The following MARS1 variants were observed in gnomAD, a reference collection of about 807,000 sequenced individuals.
The protein encoded by MARS1 is methionine--tRNA ligase, cytoplasmic.
MARS1 carries 80 observed loss-of-function variants against 119.5 expected under a neutral mutation model. The observed-to-expected ratio is 0.67, with a 90% CI of 0.56 to 0.81. The LOEUF is 0.81. Ranked by LOEUF, MARS1 falls within the 30% of genes least tolerant of loss-of-function variation. The pLI is 0.00. For missense variants in MARS1, 945 were observed against 1,116.5 expected, an observed-to-expected ratio of 0.85 and a Z score of 2.19; for synonymous variants, 418 against 433.4, an observed-to-expected ratio of 0.96 and a Z score of 0.44.
At chr12:57,491,843 A>C (rs1026751857) in intron 7 of MARS1, among the ~76,000 whole-genome samples, 2 of 152,116 alleles carry the variant, frequency 1.3e-5, no homozygotes, top group Non-Finnish European at 2.9e-5. Context: ...TTGAGTGTTT[A>C]CTCCTTTCCA....
rs751080704 is a variant in MARS1 at position 57,489,269 on chromosome 12, A to AT, written c.212dup (p.Leu71PhefsTer9). Reference sequence around the variant, plus strand: ...TCTGTTGCTCTCTCTCTGGGCAGATATTTTTTTTTGTTATCTGGCTGGGAG... The same window carrying AT: ...TCTGTTGCTCTCTCTCTGGGCAGATATTTTTTTTTTGTTATCTGGCTGGGAG... On this transcript the variant is annotated frameshift_variant, in exon 3 of 21. Transcript: ENST00000262027. LOFTEE classifies it high-confidence loss of function. 1.7e-5 allele frequency: 27 copies of AT among 1,596,298 alleles called. No individual in the cohort carries two copies. The highest frequency in any genetic ancestry group is 1.3e-4 in the East Asian group (6 of 44,604).
rs912847491 is a variant in MARS1 at position 57,489,447 on chromosome 12, C to G, written c.303C>G (p.Tyr101Ter). The part of the protein sequence containing the change: ...ELQPALSAAL[Y>*]YLVVQGKKGE... The stretch of plus-strand genomic sequence containing the variant: ...AGCCAGCTTTGTCTGCTGCCCTGTA[C>G]TATTTAGTGGTCCAAGGCAAGAAGG... The change falls in exon 4 of 21, where the codon TAC (tyrosine) becomes TAG (stop). Residue 101 changes from tyrosine (Y) to a stop codon, truncating the protein, a stop_gained. Transcript: ENST00000262027. LOFTEE classifies it high-confidence loss of function. 9 of 1,614,008 alleles carry G rather than the reference C, an allele frequency of 5.6e-6. No homozygotes were observed. Among genetic ancestry groups the G allele is most frequent in the Non-Finnish European group, 7.6e-6 (9 of 1,180,036 alleles).
At chr12:57,489,797 G>A (rs1318596495) in intron 4 of MARS1, 99 bp from the exon 5 acceptor site, 2 of 1,178,058 alleles carry the variant, frequency 1.7e-6, no homozygotes. Flanking sequence ...TTAATACAGT[G>A]CTTGACATAT....
intron 10 of MARS1, among the ~76,000 whole-genome samples, chr12:57,501,272 A>G (rs1876903373): frequency 6.6e-6 from 1 of 152,254 alleles, no homozygotes. Flanking sequence ...ATGAGGTGAG[A>G]GAGATGGCAG....
intron 10 of MARS1, chr12:57,503,963 A>G (rs1877058180): frequency 4.0e-6 from 2 of 494,386 alleles, no homozygotes; most frequent in African/African-American, 1.9e-5. Flanking sequence ...AGTGCTCTGT[A>G]CCTAGCCTAT....
chr12:57,500,877 T>A (rs1009975305), intron 10 of MARS1, among the ~76,000 whole-genome samples: 1 of 152,254 alleles, frequency 6.6e-6, no homozygotes, highest in African/African-American at 2.4e-5. Flanking sequence ...AACATACATT[T>A]TTTGAATCCT....
intron 11 of MARS1, among the ~76,000 whole-genome samples, chr12:57,505,697 A>G (rs1877150887): frequency 6.6e-6 from 1 of 152,120 alleles, no homozygotes; most frequent in African/African-American, 2.4e-5. Flanking sequence ...CTGTAGTCTC[A>G]GCTATGCAAG....
chr12:57,508,069 C>T (rs974628228), intron 11 of MARS1, among the ~76,000 whole-genome samples: 30 of 152,056 alleles, frequency 2.0e-4, no homozygotes, highest in African/African-American at 7.0e-4. Flanking sequence ...GATGGGCAGC[C>T]GGGCAGAGAC....
In MARS1 at chr12:57,516,233, G is replaced by A. The variant is rs1321321339; in HGVS notation, c.2464-12G>A. The stretch of plus-strand genomic sequence containing the variant: ...ATTTATGGTTGCTGGTGATAACTTT[G>A]TTGTTCTCCAGGCAAAAACGTCCCC... On this transcript the variant is annotated splice_polypyrimidine_tract_variant and intron_variant, in intron 19 of 20. Transcript: ENST00000262027. 1 of 1,612,760 alleles carries A rather than the reference G, an allele frequency of 6.2e-7. No homozygotes were observed. The highest frequency in any genetic ancestry group is 1.3e-5 in the African/African-American group (1 of 74,896).
rs778165066 is a variant in MARS1 at position 57,516,528 on chromosome 12, G to A, written c.2650G>A (p.Ala884Thr). The A allele has an allele frequency of 7.4e-6, 12 of 1,611,872 alleles. No individual in the cohort carries two copies. The highest frequency in any genetic ancestry group is 1.7e-5 in the Admixed American group (1 of 59,392). ...ACTCTTGGATCTAAAGAAACAGTTG[G>A]CTGTAGCTGAGGGGAAACCCCCTGA... The part of the protein sequence containing the change: ...AKLLDLKKQL[A>T]VAEGKPPEAP... Residue 884 changes from alanine to threonine, a missense_variant, in exon 21 of 21, where the codon GCT becomes ACT. By Grantham distance (58) the Ala-to-Thr change is moderately conservative. Coordinates refer to ENST00000262027, the MANE Select transcript of MARS1 (RefSeq NM_004990.4).
chr12:57,512,617 C>T, intron 14 of MARS1, 134 bp from the exon 15 acceptor site: 1 of 753,518 alleles, frequency 1.3e-6, no homozygotes, highest in Non-Finnish European at 2.2e-6. Context: ...CTGAGCATAC[C>T]AGCCCCTTAA....
At chr12:57,512,636 G>A in intron 14 of MARS1, 115 bp from the exon 15 acceptor site, 1 of 858,966 alleles carries the variant, frequency 1.2e-6, no homozygotes, top group Non-Finnish European at 1.9e-6. Flanking sequence ...AAGGAGAAAT[G>A]TTGCTAGACA....
At chr12:57,496,227 A>T (rs973060092) in intron 7 of MARS1, among the ~76,000 whole-genome samples, 1 of 146,430 alleles carries the variant, frequency 6.8e-6, no homozygotes, top group Non-Finnish European at 1.5e-5. Context: ...TGAGTGGCGC[A>T]ATCTAGGCTC....
At chr12:57,503,954 G>C in intron 10 of MARS1, 1 of 453,076 alleles carries the variant, frequency 2.2e-6, no homozygotes, top group Non-Finnish European at 4.0e-6. Context: ...GTACAGTGCA[G>C]TGCTCTGTAC....
intron 10 of MARS1, 102 bp downstream of exon 10, chr12:57,500,624 C>G: frequency 8.8e-7 from 1 of 1,133,474 alleles, no homozygotes; most frequent in South Asian, 1.5e-5. Flanking sequence ...CATTCTAGAC[C>G]TTTAACCAGT....
rs1877521341 is a variant in MARS1, at chr12:57,511,656, A to G, written c.1369-42A>G. On this transcript the variant is annotated intron_variant, in intron 11 of 20. Transcript: ENST00000262027. ...GTGTTTATCCTTATGCTAACCATAT[A>G]TGAGACTTTCCTAAATCAGCCCTCT... The G allele has an allele frequency of 5.0e-6, 8 of 1,610,118 alleles. No individual in the cohort carries two copies. The East Asian group carries it at 1.8e-4, about 36-fold the overall frequency.
In MARS1 at chr12:57,493,923, A is replaced by T. The variant is rs373827186; in HGVS notation, c.770+3279A>T. Among the ~76,000 whole-genome samples, 227 of 63,048 alleles carry T rather than the reference A, an allele frequency of 3.6e-3. 19 individuals are homozygous for T. The highest frequency in any genetic ancestry group is 0.013 in the African/African-American group (170 of 13,496). The allele number at this position is 63,048 out of a possible 152,430, so 41.4% of individuals were successfully genotyped here. ...GTTATATAATATATATAATATATAT[A>T]ATATATATTATATATTATATATATA... On this transcript the variant is annotated intron_variant, in intron 7 of 20. Transcript: ENST00000262027.
chr12:57,509,602 G>T (rs1185273240), intron 11 of MARS1, among the ~76,000 whole-genome samples: 1 of 152,054 alleles, frequency 6.6e-6, no homozygotes, highest in Admixed American at 6.6e-5. Flanking sequence ...TAGAGACAGG[G>T]TTTCACCATG....
intron 11 of MARS1, among the ~76,000 whole-genome samples, chr12:57,505,505 G>C (rs549230557): frequency 3.3e-5 from 5 of 151,902 alleles, no homozygotes; most frequent in African/African-American, 1.2e-4. Flanking sequence ...TGTACCCTGG[G>C]CTTGGAGAAA....
Sources: allele counts gnomAD v4.1 joint callset (sites outside exome capture counted in the v4.1 genomes callset), GRCh38; gene constraint gnomAD v4.1.1; transcripts MANE v1.5; gene names NCBI Gene and HGNC (gene_info 2026-07-23, HGNC 2026-07-21).